Variants in APLP2 observed in about 807,000 individuals in gnomAD.
APLP2 encodes CDEI box-binding protein.
Under a neutral mutation model 89.9 loss-of-function variants are expected in APLP2, and 53 were observed. The ratio of observed to expected loss-of-function variants is 0.59; its 90% CI spans 0.47 to 0.74. APLP2 has a LOEUF of 0.74. APLP2 is among the 30% of genes least tolerant of loss of function. APLP2 has a pLI of 0.00. For synonymous variants in APLP2, 372 were observed against 348.6 expected (o/e 1.07, Z -0.75); for missense variants, 973 against 975.9 (o/e 1.00, Z 0.04).
intron 1 of APLP2, among the ~76,000 whole-genome samples, chr11:130,098,723 GA>G (rs1331546911): frequency 6.6e-6 from 1 of 152,126 alleles, no homozygotes; most frequent in Admixed American, 6.5e-5. Flanking sequence ...TGCTTAATCT[GA>G]TTTTTAGTGA....
intron 2 of APLP2, 89 bp downstream of exon 2, chr11:130,109,691 CT>C (rs1948296111): frequency 7.1e-7 from 1 of 1,409,220 alleles, no homozygotes; most frequent in Non-Finnish European, 9.5e-7. Flanking sequence ...CTGTCATTCT[CT>C]TTTGACCTAA....
intron 1 of APLP2, among the ~76,000 whole-genome samples, chr11:130,091,139 G>A (rs1200795543): frequency 5.9e-5 from 8 of 135,272 alleles, no homozygotes; most frequent in South Asian, 2.4e-4. Flanking sequence ...CGGGCAGAGG[G>A]GCTCCTCACT....
At chr11:130,070,858 T>C in intron 1 of APLP2, 1 of 1,031,834 alleles carries the variant, frequency 9.7e-7, no homozygotes, top group Admixed American at 4.4e-5. Context: ...CATCAGTGGT[T>C]GTGCTTCGAG....
chr11:130,091,559 C>T (rs1591779924), intron 1 of APLP2, among the ~76,000 whole-genome samples: 3 of 144,390 alleles, frequency 2.1e-5, no homozygotes, highest in African/African-American at 7.9e-5. Context: ...CCCCCACCTC[C>T]CTCCCGGACG....
chr11:130,140,551 G>A lies in APLP2; in HGVS notation c.1923+68G>A, dbSNP rs1053862649. The A allele has an allele frequency of 4.5e-6, 6 of 1,325,888 alleles. No homozygotes were observed. In the African/African-American group the frequency reaches 5.9e-5, roughly 13 times the overall value. 82.1% of individuals were successfully genotyped at this position (1,325,888 alleles called of 1,614,324 possible). A position where few individuals can be genotyped will look rare whatever the true frequency, so the allele number is the denominator to read the frequency against. The stretch of plus-strand genomic sequence containing the variant: ...GACTCATTAGAGCGAGTGACCTGAT[G>A]TCAGATGCTTCCAGGTGCACGTCTC... On this transcript the variant is annotated intron_variant, in intron 14 of 16. Transcript: ENST00000338167.
intron 1 of APLP2, among the ~76,000 whole-genome samples, chr11:130,085,010 A>G (rs1174250597): frequency 3.3e-5 from 5 of 152,248 alleles, no homozygotes; most frequent in Non-Finnish European, 7.3e-5. Context: ...TGAGACTATT[A>G]TGAGCAGTTG....
chr11:130,137,189 C>A, intron 13 of APLP2: 2 of 1,358,964 alleles, frequency 1.5e-6, no homozygotes, highest in South Asian at 1.2e-5. Context: ...TTAAAAGAAG[C>A]CATTTTCTTT....
rs1952405334 is a variant in APLP2, at chr11:130,141,625, C to T, written c.1998+53C>T. ...TTTCCTGCCAATCTTAGGTATTTCT[C>T]CTCTGGACCTTCTCAGTTCAAGTAG... On this transcript the variant is annotated intron_variant, in intron 15 of 16. Coordinates refer to ENST00000338167, the MANE Select transcript of APLP2 (RefSeq NM_001142276.2). This position sits in a 1 kb window ranked among gnomAD's most constrained non-coding sequence, Gnocchi z 4.2. 1.3e-6 allele frequency: 2 copies of T among 1,492,240 alleles called. No individual in the cohort carries two copies. The highest frequency in any genetic ancestry group is 1.7e-5 in the Admixed American group (1 of 59,212). 92.4% of individuals were successfully genotyped at this position (1,492,240 alleles called of 1,614,324 possible).
intron 9 of APLP2, 35 bp downstream of exon 9, chr11:130,127,875 C>A (rs1204172614): frequency 6.3e-7 from 1 of 1,586,932 alleles, no homozygotes; most frequent in Non-Finnish European, 8.6e-7. Context: ...AGCTTTCAGC[C>A]TGACCATTGG....
chr11:130,128,520 G>A (rs569004510), intron 9 of APLP2, among the ~76,000 whole-genome samples: 4 of 152,322 alleles, frequency 2.6e-5, no homozygotes, highest in Admixed American at 1.3e-4. Context: ...ATGTAGTTCA[G>A]CAGGCTTAAA....
At chr11:130,077,861 C>A (rs753040998) in intron 1 of APLP2, among the ~76,000 whole-genome samples, 8 of 152,190 alleles carry the variant, frequency 5.3e-5, no homozygotes, top group Non-Finnish European at 8.8e-5. Flanking sequence ...GTAAAGATAG[C>A]CCCTTATCAG....
chr11:130,125,080 C>T (rs1950220155), intron 7 of APLP2, among the ~76,000 whole-genome samples: 1 of 152,164 alleles, frequency 6.6e-6, no homozygotes, highest in South Asian at 2.1e-4. Context: ...CTTGTGGGGC[C>T]TCTGCCTGGA....
chr11:130,129,185 C>T lies in APLP2; in HGVS notation c.1434C>T (p.Ala478=), dbSNP rs142992906. Residue 478 remains alanine, a synonymous_variant, in exon 10 of 17, where the codon GCC becomes GCT. Coordinates refer to ENST00000338167, the MANE Select transcript of APLP2 (RefSeq NM_001142276.2). ...TGGCTCTGGAGAACTACCTGGCTGC[C>T]TTGCAGTCTGACCCGCCACGGGTGA... is the stretch of plus-strand genomic sequence containing the variant. ...RRMALENYLA[A]LQSDPPRPHR... The T allele has an allele frequency of 6.2e-7, 1 of 1,613,306 alleles. No individual in the cohort carries two copies. The highest frequency in any genetic ancestry group is 8.5e-7 in the Non-Finnish European group (1 of 1,179,472).
chr11:130,089,011 T>C (rs1385482266), intron 1 of APLP2, among the ~76,000 whole-genome samples: 1 of 152,122 alleles, frequency 6.6e-6, no homozygotes, highest in East Asian at 1.9e-4. Flanking sequence ...CCTTCCAGTA[T>C]GATGCCACTC....
intron 3 of APLP2, among the ~76,000 whole-genome samples, chr11:130,114,642 C>G (rs1003216243): frequency 2.0e-5 from 3 of 152,152 alleles, no homozygotes; most frequent in Non-Finnish European, 2.9e-5. Flanking sequence ...TCTGTATTTT[C>G]CCTACTCCAC....
intron 3 of APLP2, among the ~76,000 whole-genome samples, chr11:130,118,089 A>AAG (rs1949411249): frequency 6.6e-6 from 1 of 152,082 alleles, no homozygotes; most frequent in Non-Finnish European, 1.5e-5. Flanking sequence ...AAAAAAAAAA[A>AAG]AAAATAGTTG....
At chr11:130,109,628 AGT>A (rs1472169644) in intron 2 of APLP2, 26 bp downstream of exon 2, 1 of 1,593,108 alleles carries the variant, frequency 6.3e-7, no homozygotes, top group East Asian at 2.3e-5. Context: ...GTAAGTTGAA[AGT>A]GTTATTTTTC....
intron 1 of APLP2, among the ~76,000 whole-genome samples, chr11:130,090,773 G>A (rs78062541): frequency 0.17 from 24,860 of 142,340 alleles, 1 homozygote; most frequent in Non-Finnish European, 0.2. Flanking sequence ...TCAATGAGCC[G>A]TTGGGCACAC....
At chr11:130,132,493 C>G (rs1951036832) in intron 11 of APLP2, among the ~76,000 whole-genome samples, 1 of 152,052 alleles carries the variant, frequency 6.6e-6, no homozygotes, top group South Asian at 2.1e-4. Context: ...GCTTGAAAAG[C>G]TTGTGGGAGC....
Sources: allele counts gnomAD v4.1 joint callset (sites outside exome capture counted in the v4.1 genomes callset), GRCh38; gene constraint gnomAD v4.1.1; non-coding constraint Gnocchi (gnomAD v3.1); transcripts MANE v1.5; gene names NCBI Gene and HGNC (gene_info 2026-07-23, HGNC 2026-07-21).